Variants in PRKCD observed in about 807,000 individuals in gnomAD.
The protein encoded by PRKCD is protein kinase C delta, also known as protein kinase C delta type.
PRKCD carries 20 observed loss-of-function variants against 82.2 expected under a neutral mutation model. The ratio of observed to expected loss-of-function variants is 0.24; its 90% CI spans 0.17 to 0.35. The LOEUF (loss-of-function observed/expected upper bound fraction) is 0.35. Ranked by LOEUF, PRKCD falls within the 10% of genes least tolerant of loss-of-function variation. PRKCD has a pLI of 1.00. For synonymous variants in PRKCD, 317 were observed against 337.0 expected, an observed-to-expected ratio of 0.94 and a Z score of 0.65; for missense variants, 607 against 899.0, an observed-to-expected ratio of 0.68 and a Z score of 4.15.
chr3:53,165,900 T>G (rs966246041), intron 2 of PRKCD, among the ~76,000 whole-genome samples: 1 of 152,222 alleles, frequency 6.6e-6, no homozygotes, highest in East Asian at 1.9e-4. Flanking sequence ...TTCAGCCCTA[T>G]TACCATGAAA....
chr3:53,161,940 C>G (rs1014738339), intron 1 of PRKCD, among the ~76,000 whole-genome samples: 1 of 149,770 alleles, frequency 6.7e-6, no homozygotes, highest in African/African-American at 2.5e-5. Context: ...TCGCCGCCCC[C>G]TGCCAGTCCA....
Position 53,187,399 on chromosome 3 carries a change from A to G in PRKCD, c.1412A>G (p.Tyr471Cys), listed in dbSNP as rs1703745771. 6.2e-7 allele frequency: 1 copy of G among 1,614,162 alleles called. No individual in the cohort carries two copies. Among genetic ancestry groups the G allele is most frequent in the Non-Finnish European group, 8.5e-7 (1 of 1,180,016 alleles). ...TTTCTACACAGCAAGGGCATCATTT[A>G]CAGGTGCGGGGGTGAGGGCAGCGGG... is the stretch of plus-strand genomic sequence containing the variant. ...LQFLHSKGII[Y>C]RDLKLDNVLL... Residue 471 changes from tyrosine (Y) to cysteine (C), a missense_variant, in exon 15 of 19, where the codon TAC (tyrosine) becomes TGC (cysteine). Around this residue, in one of 5 missense-constraint regions of PRKCD, gnomAD observed 251 missense variants for 423.9 expected, o/e 0.59. Coordinates refer to ENST00000330452, the MANE Select transcript of PRKCD (RefSeq NM_006254.4).
chr3:53,166,207 A>G (rs1313054591), intron 2 of PRKCD, among the ~76,000 whole-genome samples: 3 of 152,152 alleles, frequency 2.0e-5, no homozygotes, highest in African/African-American at 7.2e-5. Context: ...ACTCTGGGGT[A>G]GGAGTTGGGA....
rs56406497 is a variant in PRKCD at position 53,185,133 on chromosome 3, G to C, written c.888+159G>C. Among the ~76,000 whole-genome samples the C allele has an allele frequency of 9.3e-3, 1,424 of 152,320 alleles. 8 individuals carry two copies. Among genetic ancestry groups the C allele is most frequent in the South Asian group, 0.022 (104 of 4,826 alleles). ...CTCAAGAATTTAGGCAGCAGAGGGA[G>C]GGGGGCTTTTTTTCATAAGAAATTC... On this transcript the variant is annotated intron_variant, in intron 10 of 18. Transcript: ENST00000330452.
intron 4 of PRKCD, 87 bp from the exon 5 acceptor site, chr3:53,181,120 A>C: frequency 2.1e-6 from 3 of 1,444,852 alleles, no homozygotes; most frequent in Non-Finnish European, 1.9e-6. Flanking sequence ...GCCTTGGGGG[A>C]CCAGCCATGG....
intron 16 of PRKCD, 83 bp from the exon 17 acceptor site, chr3:53,188,975 G>T: frequency 6.4e-7 from 1 of 1,570,620 alleles, no homozygotes; most frequent in Non-Finnish European, 8.6e-7. Context: ...GGCTGAGGCG[G>T]CCTGGCTAGG....
intron 9 of PRKCD, among the ~76,000 whole-genome samples, 162 bp from the exon 10 acceptor site, chr3:53,184,712 G>A (rs111259532): frequency 6.7e-6 from 1 of 149,504 alleles, no homozygotes; most frequent in Non-Finnish European, 1.5e-5. Context: ...GAGAGAGATC[G>A]AAGTATTTAT....
intron 2 of PRKCD, among the ~76,000 whole-genome samples, chr3:53,173,253 C>G (rs372239871): frequency 2.5e-4 from 38 of 152,266 alleles, no homozygotes; most frequent in African/African-American, 9.1e-4. Flanking sequence ...CTTCTGTGCC[C>G]GGGAGCTCCA....
intron 4 of PRKCD, among the ~76,000 whole-genome samples, chr3:53,180,235 C>G (rs1487811634): frequency 2.0e-5 from 3 of 152,246 alleles, no homozygotes; most frequent in Admixed American, 1.3e-4. Flanking sequence ...GCCCCAACAC[C>G]AGGCCACCAG....
At chr3:53,174,340 G>T (rs1262404576) in intron 2 of PRKCD, among the ~76,000 whole-genome samples, 2 of 152,178 alleles carry the variant, frequency 1.3e-5, no homozygotes, top group Non-Finnish European at 2.9e-5. Context: ...GCTGGGAAAG[G>T]CCTGGCTGGC....
At chr3:53,190,694 ACCACAGTTCTTCCTTC>A (rs1411874402) in intron 18 of PRKCD, among the ~76,000 whole-genome samples, 1 of 152,112 alleles carries the variant, frequency 6.6e-6, no homozygotes, top group East Asian at 1.9e-4. Context: ...CCCCTCTGTG[ACCACAGTTCTTCCTTC>A]CCACTCCCCT....
chr3:53,190,150 C>A, intron 18 of PRKCD, 149 bp downstream of exon 18: 1 of 1,162,850 alleles, frequency 8.6e-7, no homozygotes, highest in Non-Finnish European at 1.2e-6. Context: ...CTTGTATTCT[C>A]ATCCTCTCCC....
Position 53,169,942 on chromosome 3 carries a change from G to A in PRKCD, c.-20+4727G>A, listed in dbSNP as rs1255450612. On this transcript the variant is annotated intron_variant, in intron 2 of 18. Transcript: ENST00000330452. The surrounding 1 kb of genome is among the most constrained non-coding windows in gnomAD (Gnocchi z 4.7). Reference sequence around the variant, plus strand: ...TCCAAGCTCGCCGGTTCCTCTGTCCGCTGCCTGCTGTGGGATGGCGCACCA... The same window carrying A: ...TCCAAGCTCGCCGGTTCCTCTGTCCACTGCCTGCTGTGGGATGGCGCACCA... 3.9e-5 allele frequency among the ~76,000 whole-genome samples: 6 copies of A among 152,198 alleles called. No individual in the cohort carries two copies. Among genetic ancestry groups the A allele is most frequent in the African/African-American group, 7.2e-5 (3 of 41,448 alleles).
At chr3:53,186,734 G>A in intron 14 of PRKCD, 39 bp downstream of exon 14, 1 of 1,554,284 alleles carries the variant, frequency 6.4e-7, no homozygotes, top group Non-Finnish European at 8.8e-7. Context: ...CCAGTGTGGA[G>A]GAAGGGCTAC....
At chr3:53,186,450 C>T in intron 13 of PRKCD, 110 bp downstream of exon 13, 2 of 1,400,124 alleles carry the variant, frequency 1.4e-6, no homozygotes, top group Non-Finnish European at 2.0e-6. Context: ...AAGGCAGGGC[C>T]ATGCTTTCCC....
intron 2 of PRKCD, among the ~76,000 whole-genome samples, chr3:53,170,510 C>A (rs782408186): frequency 6.6e-6 from 1 of 152,256 alleles, no homozygotes; most frequent in Admixed American, 6.5e-5. Flanking sequence ...CAGGGCCCTG[C>A]AGGCAGGTGG....
intron 1 of PRKCD, among the ~76,000 whole-genome samples, chr3:53,163,868 C>T (rs1553663447): frequency 6.6e-6 from 1 of 152,138 alleles, no homozygotes; most frequent in Non-Finnish European, 1.5e-5. Flanking sequence ...CATGACAGCC[C>T]CTCCCTCACC....
At chr3:53,185,331 T>C (rs1553668738) in intron 10 of PRKCD, among the ~76,000 whole-genome samples, 1 of 152,140 alleles carries the variant, frequency 6.6e-6, no homozygotes, top group Non-Finnish European at 1.5e-5. Flanking sequence ...AGCTAAATAG[T>C]CAAATAAAAT....
rs547372250 is a variant in PRKCD, at chr3:53,186,101, G to A, written c.1087-66G>A. On this transcript the variant is annotated intron_variant, in intron 12 of 18. Coordinates refer to ENST00000330452, the MANE Select transcript of PRKCD (RefSeq NM_006254.4). ...TCCCGCTTAGGTGGCTGAGGTGGGAGTCTGTGAATCGGGCTGTGGCCCCTG... is the reference window on the plus strand; with the variant it reads ...TCCCGCTTAGGTGGCTGAGGTGGGAATCTGTGAATCGGGCTGTGGCCCCTG... The A allele has an allele frequency of 3.9e-5, 62 of 1,608,476 alleles. No individual in the cohort carries two copies. The South Asian group carries it at 6.7e-4, about 17-fold the overall frequency.
Sources: gnomAD v4.1 joint callset for allele counts (sites outside exome capture counted in the v4.1 genomes callset) on GRCh38, gnomAD v4.1.1 for gene constraint, gnomAD v4.1.1 regional missense constraint, Gnocchi (gnomAD v3.1) non-coding constraint, MANE v1.5 for transcripts, NCBI Gene and HGNC (gene_info 2026-07-23, HGNC 2026-07-21) for gene names.